The following UNC79 variants were observed in gnomAD, a reference collection of about 807,000 sequenced individuals.
UNC79 encodes the protein protein unc-79 homolog.
UNC79 carries 37 observed loss-of-function variants against 283.1 expected under a neutral mutation model. The observed-to-expected ratio is 0.13, with a 90% CI of 0.10 to 0.17. UNC79 has a LOEUF of 0.17. UNC79 is among the 10% of genes least tolerant of loss of function. The pLI is 1.00. For synonymous variants in UNC79, 1,107 were observed against 1,200.2 expected, an observed-to-expected ratio of 0.92 and a Z score of 1.61; for missense variants, 2,272 against 3,211.1, an observed-to-expected ratio of 0.71 and a Z score of 7.07.
At chr14:93,588,142 G>A (rs2064349947) in intron 22 of UNC79, among the ~76,000 whole-genome samples, 1 of 152,082 alleles carries the variant, frequency 6.6e-6, no homozygotes, top group African/African-American at 2.4e-5. Flanking sequence ...AATGAGGCTG[G>A]AGAAGTAGGT....
chr14:93,473,775 C>T lies in UNC79; in HGVS notation c.144-314C>T, dbSNP rs1595558126. Among the ~76,000 whole-genome samples the T allele has an allele frequency of 5.9e-5, 9 of 152,224 alleles. No homozygotes were observed. In the South Asian group the frequency reaches 1.9e-3, roughly 32 times the overall value. ...GTTGTTTTTTTCTCCCAGGAAACCTCTCCTTCACCAAATTGCTAAACTGTA... is the reference window on the plus strand; with the variant it reads ...GTTGTTTTTTTCTCCCAGGAAACCTTTCCTTCACCAAATTGCTAAACTGTA... On this transcript the variant is annotated intron_variant, in intron 2 of 48. Coordinates refer to ENST00000555664, the Ensembl canonical transcript of UNC79.
At chr14:93,423,035 C>T (rs2055633508) in intron 1 of UNC79, among the ~76,000 whole-genome samples, 1 of 136,148 alleles carries the variant, frequency 7.3e-6, no homozygotes, top group Non-Finnish European at 1.5e-5. Context: ...TGCACTCCAG[C>T]CTGGGGGACA....
At position 93,500,954 on chromosome 14, in the gene UNC79, T is replaced by C. The variant is rs571700707; in HGVS notation, c.898+3668T>C. On this transcript the variant is annotated intron_variant, in intron 7 of 48. Coordinates refer to ENST00000555664, the Ensembl canonical transcript of UNC79. Reference sequence around the variant, plus strand: ...GTATGGATTTTATTAACTTAGAAGCTCAAAGATGAAATGCTTTCTTAGGAA... The same window carrying C: ...GTATGGATTTTATTAACTTAGAAGCCCAAAGATGAAATGCTTTCTTAGGAA... Among the ~76,000 whole-genome samples, 3 of 152,366 alleles carry C rather than the reference T, an allele frequency of 2.0e-5. No individual in the cohort carries two copies. In the South Asian group the frequency reaches 6.2e-4, roughly 32 times the overall value.
At chr14:93,660,094 A>G (rs1267449230) in intron 39 of UNC79, among the ~76,000 whole-genome samples, 2 of 152,330 alleles carry the variant, frequency 1.3e-5, no homozygotes, top group East Asian at 1.9e-4. Context: ...GTATTTCTGC[A>G]CTGCATTCGC....
intron 14 of UNC79, among the ~76,000 whole-genome samples, chr14:93,553,314 G>A (rs2061992436): frequency 6.6e-6 from 1 of 152,116 alleles, no homozygotes; most frequent in Admixed American, 6.5e-5. Flanking sequence ...TGGAAGAAAA[G>A]GTCATAAACA....
intron 26 of UNC79, among the ~76,000 whole-genome samples, chr14:93,609,338 G>A (rs1456699677): frequency 6.6e-6 from 1 of 152,146 alleles, no homozygotes; most frequent in East Asian, 1.9e-4. Context: ...CATTTCGGGT[G>A]AAATAATAGG....
At chr14:93,443,591 T>C (rs2056377478) in intron 1 of UNC79, among the ~76,000 whole-genome samples, 1 of 151,848 alleles carries the variant, frequency 6.6e-6, no homozygotes, top group South Asian at 2.1e-4. Flanking sequence ...GCCCGGCTAA[T>C]TTTTTGTATT....
chr14:93,552,541 A>C (rs1029427303), intron 14 of UNC79, among the ~76,000 whole-genome samples: 2 of 152,214 alleles, frequency 1.3e-5, no homozygotes, highest in African/African-American at 2.4e-5. Flanking sequence ...ACTAGAACCT[A>C]CAACAGGTAT....
At chr14:93,387,757 TG>T (rs2054808474) in intron 1 of UNC79, among the ~76,000 whole-genome samples, 2 of 152,226 alleles carry the variant, frequency 1.3e-5, no homozygotes, top group South Asian at 4.1e-4. Flanking sequence ...TAGCTCCATT[TG>T]TTCTATAGTG....
At chr14:93,556,830 T>C (rs1477262075) in intron 14 of UNC79, among the ~76,000 whole-genome samples, 2 of 152,358 alleles carry the variant, frequency 1.3e-5, no homozygotes, top group African/African-American at 4.8e-5. Flanking sequence ...AAAAAAACTC[T>C]TTTAAATCTT....
intron 4 of UNC79, among the ~76,000 whole-genome samples, chr14:93,486,991 T>C (rs2058474280): frequency 6.6e-6 from 1 of 152,172 alleles, no homozygotes; most frequent in Admixed American, 6.5e-5. Context: ...TTGCTTTATT[T>C]CAAACAACTC....
chr14:93,674,183 CAGGATGGATCCCACCCCTT>C (rs1204895140), intron 41 of UNC79, among the ~76,000 whole-genome samples: 1 of 152,074 alleles, frequency 6.6e-6, no homozygotes, highest in Non-Finnish European at 1.5e-5. Context: ...AAGTTGAGAG[CAGGATGGATCCCACCCCTT>C]ATGATGTGAA....
chr14:93,645,523 C>T (rs1236061368), intron 34 of UNC79, among the ~76,000 whole-genome samples: 1 of 152,200 alleles, frequency 6.6e-6, no homozygotes, highest in East Asian at 1.9e-4. Context: ...TCACGAAGAA[C>T]AGATGAGATC....
At chr14:93,589,931 C>T (rs562028984) in intron 22 of UNC79, among the ~76,000 whole-genome samples, 2 of 152,248 alleles carry the variant, frequency 1.3e-5, no homozygotes, top group Admixed American at 1.3e-4. Flanking sequence ...TATGGTGGTG[C>T]AAGCCTTTAG....
chr14:93,523,172 A>G (rs998720623), intron 7 of UNC79, among the ~76,000 whole-genome samples: 2 of 152,130 alleles, frequency 1.3e-5, no homozygotes, highest in Non-Finnish European at 2.9e-5. Flanking sequence ...GGGCTACAGA[A>G]TCATCCAGAT....
chr14:93,655,065 A>C (rs928203542), intron 37 of UNC79, among the ~76,000 whole-genome samples, 169 bp from the exon 41 acceptor site: 1 of 152,288 alleles, frequency 6.6e-6, no homozygotes, highest in South Asian at 2.1e-4. Context: ...AGTTTGTCTG[A>C]ACGATTTTCT....
At chr14:93,606,616 C>G (rs1318319501) in intron 26 of UNC79, among the ~76,000 whole-genome samples, 2 of 152,154 alleles carry the variant, frequency 1.3e-5, no homozygotes, top group Non-Finnish European at 2.9e-5. Context: ...CTTTGCGGAC[C>G]TCTTATTGAT....
chr14:93,691,759 T>C, exon 46 of UNC79: 2 of 1,614,164 alleles, frequency 1.2e-6, no homozygotes, highest in Non-Finnish European at 1.7e-6. Flanking sequence ...ACCTCCGTGC[T>C]GCACATGTGC....
At chr14:93,439,882 A>T (rs977506439) in intron 1 of UNC79, among the ~76,000 whole-genome samples, 1 of 152,130 alleles carries the variant, frequency 6.6e-6, no homozygotes, top group Non-Finnish European at 1.5e-5. Context: ...ATTTGTTTGC[A>T]TAGAATTATG....
Sources: gnomAD v4.1 joint callset for allele counts (sites outside exome capture counted in the v4.1 genomes callset) on GRCh38, gnomAD v4.1.1 for gene constraint, MANE v1.5 for transcripts, NCBI Gene and HGNC (gene_info 2026-07-23, HGNC 2026-07-21) for gene names.